Variants in SCFD2 observed in about 807,000 individuals in gnomAD.
SCFD2 encodes the protein sec1 family domain-containing protein 2.
Under a neutral mutation model 58.9 loss-of-function variants are expected in SCFD2, and 54 were observed. The observed-to-expected ratio is 0.92, with a 90% CI of 0.74 to 1.15. The LOEUF (loss-of-function observed/expected upper bound fraction) is 1.15, where lower values mean the gene tolerates loss of function less well. Ranked by LOEUF, SCFD2 falls within the 50% of genes most tolerant of loss-of-function variation. The pLI is 0.00. For synonymous variants in SCFD2, 321 were observed against 335.9 expected, an observed-to-expected ratio of 0.96 and a Z score of 0.49; for missense variants, 805 against 836.6, an observed-to-expected ratio of 0.96 and a Z score of 0.47.
chr4:53,064,164 G>A (rs1247980627), intron 5 of SCFD2, among the ~76,000 whole-genome samples: 3 of 151,866 alleles, frequency 2.0e-5, no homozygotes, highest in Admixed American at 2.0e-4. Context: ...ACATGTGCAG[G>A]TTTGTTACAT....
At chr4:53,281,720 C>A (rs1324788980) in intron 3 of SCFD2, among the ~76,000 whole-genome samples, 2 of 152,172 alleles carry the variant, frequency 1.3e-5, no homozygotes, top group Admixed American at 6.5e-5. Flanking sequence ...ATTGCAACAC[C>A]TTTTCCCCTC....
intron 5 of SCFD2, among the ~76,000 whole-genome samples, chr4:53,074,656 C>A (rs1481915654): frequency 6.6e-6 from 1 of 152,170 alleles, no homozygotes; most frequent in Non-Finnish European, 1.5e-5. Flanking sequence ...CAACATTCAT[C>A]TCCTTGTACA....
chr4:53,271,514 G>T (rs1294123257), intron 4 of SCFD2, among the ~76,000 whole-genome samples: 2 of 150,854 alleles, frequency 1.3e-5, no homozygotes, highest in African/African-American at 4.9e-5. Context: ...CCAGGCTGAA[G>T]TGCAGTGGCA....
chr4:52,991,121 G>A (rs1721603510), intron 5 of SCFD2, among the ~76,000 whole-genome samples: 1 of 152,218 alleles, frequency 6.6e-6, no homozygotes, highest in South Asian at 2.1e-4. Flanking sequence ...GATCTGGCCT[G>A]CAGGGAAGCT....
chr4:53,256,852 G>A (rs1275073382), intron 4 of SCFD2, among the ~76,000 whole-genome samples: 8 of 142,940 alleles, frequency 5.6e-5, no homozygotes, highest in Non-Finnish European at 1.1e-4. Context: ...GAGGGAGACC[G>A]TGGAAAGAGA....
intron 4 of SCFD2, among the ~76,000 whole-genome samples, chr4:53,226,002 G>A (rs1212481312): frequency 2.0e-5 from 3 of 152,126 alleles, no homozygotes; most frequent in Admixed American, 6.5e-5. Flanking sequence ...TGATCTCGCT[G>A]TATTGCCCAG....
chr4:53,299,746 C>T (rs1185694071), intron 3 of SCFD2, among the ~76,000 whole-genome samples: 7 of 152,348 alleles, frequency 4.6e-5, no homozygotes, highest in Middle Eastern at 3.4e-3. Flanking sequence ...AAGAGCTGAT[C>T]TCTCGCCAGA....
chr4:53,124,354 C>A (rs1318483688), intron 5 of SCFD2, among the ~76,000 whole-genome samples: 2 of 152,140 alleles, frequency 1.3e-5, no homozygotes, highest in Non-Finnish European at 2.9e-5. Context: ...ATAAAATTTT[C>A]TTCTGAGAAA....
At chr4:52,992,204 T>C (rs1213555733) in intron 5 of SCFD2, among the ~76,000 whole-genome samples, 1 of 152,178 alleles carries the variant, frequency 6.6e-6, no homozygotes, top group African/African-American at 2.4e-5. Flanking sequence ...TTTTCCTATT[T>C]TTTTGGTGGA....
intron 4 of SCFD2, among the ~76,000 whole-genome samples, chr4:53,257,244 G>C (rs967231602): frequency 1.3e-5 from 2 of 152,098 alleles, no homozygotes; most frequent in East Asian, 1.9e-4. Flanking sequence ...TTTTCTTCTC[G>C]GTCACAGGCA....
At chr4:53,020,046 A>G (rs918707384) in intron 5 of SCFD2, among the ~76,000 whole-genome samples, 1 of 152,194 alleles carries the variant, frequency 6.6e-6, no homozygotes, top group Non-Finnish European at 1.5e-5. Flanking sequence ...ATTGCAATGC[A>G]GTTTTCTCCT....
intron 5 of SCFD2, among the ~76,000 whole-genome samples, chr4:53,112,506 C>T (rs1156433178): frequency 6.6e-6 from 1 of 152,056 alleles, no homozygotes; most frequent in African/African-American, 2.4e-5. Flanking sequence ...CTGCCAGATG[C>T]ATTCGCACCA....
At chr4:52,944,732 C>G (rs393860) in intron 5 of SCFD2, among the ~76,000 whole-genome samples, 126,117 of 152,254 alleles carry the variant, frequency 0.83, 52,953 homozygotes, top group East Asian at 0.99. Flanking sequence ...AAGTGCCTGG[C>G]CACTGTTGCC....
At chr4:53,223,669 AT>A (rs1729115457) in intron 4 of SCFD2, among the ~76,000 whole-genome samples, 1 of 152,220 alleles carries the variant, frequency 6.6e-6, no homozygotes, top group East Asian at 1.9e-4. Flanking sequence ...CCTAGATGCA[AT>A]TATGACTTTT....
intron 4 of SCFD2, among the ~76,000 whole-genome samples, chr4:53,259,113 A>G (rs1214103769): frequency 6.6e-6 from 1 of 151,548 alleles, no homozygotes; most frequent in African/African-American, 2.4e-5. Context: ...TAGATTCTGG[A>G]TATTACTTCT....
At chr4:52,988,374 A>G (rs930739081) in intron 5 of SCFD2, among the ~76,000 whole-genome samples, 1 of 152,180 alleles carries the variant, frequency 6.6e-6, no homozygotes, top group Non-Finnish European at 1.5e-5. Context: ...TTAAAGAAAC[A>G]GTGAAAAACA....
chr4:52,981,245 A>C (rs1451779980), intron 5 of SCFD2, among the ~76,000 whole-genome samples: 1 of 152,222 alleles, frequency 6.6e-6, no homozygotes, highest in Non-Finnish European at 1.5e-5. Context: ...TGAACATACA[A>C]ACTCACATGG....
chr4:53,253,286 T>C (rs1730468188), intron 4 of SCFD2, among the ~76,000 whole-genome samples: 1 of 152,176 alleles, frequency 6.6e-6, no homozygotes, highest in Admixed American at 6.5e-5. Context: ...TTTACACTGT[T>C]GGTGGGATTG....
intron 5 of SCFD2, among the ~76,000 whole-genome samples, chr4:52,946,771 C>T (rs1046039078): frequency 1.8e-4 from 27 of 152,122 alleles, no homozygotes; most frequent in African/African-American, 6.0e-4. Flanking sequence ...AAAGGATTAG[C>T]ATTATTACTA....
Sources: allele counts gnomAD v4.1 joint callset (sites outside exome capture counted in the v4.1 genomes callset), GRCh38; gene constraint gnomAD v4.1.1; transcripts MANE v1.5; gene names NCBI Gene and HGNC (gene_info 2026-07-23, HGNC 2026-07-21).